Variants in ME3 observed in about 807,000 individuals in gnomAD.
ME3 encodes the protein malic enzyme 3.
In ME3, 48 loss-of-function variants were observed where a neutral mutation model predicts 68.9. That is an observed-to-expected ratio of 0.70 (90% CI 0.55 to 0.89). The LOEUF (loss-of-function observed/expected upper bound fraction) is 0.89. ME3 is among the 40% of genes least tolerant of loss of function. The pLI is 0.00. For missense variants in ME3, 675 were observed against 797.4 expected, an observed-to-expected ratio of 0.85 and a Z score of 1.85; for synonymous variants, 320 against 318.8, an observed-to-expected ratio of 1.00 and a Z score of -0.04.
At chr11:86,435,464 G>A in the ME3 span, 1 of 152,230 alleles carries the variant, frequency 6.6e-6, no homozygotes, top group East Asian at 1.9e-4. Flanking sequence ...GACATTTACT[G>A]ATTCTGGACA....
intron 8 of ME3, among the ~76,000 whole-genome samples, chr11:86,461,054 A>G (rs368892455): frequency 6.6e-6 from 1 of 152,236 alleles, no homozygotes; most frequent in East Asian, 1.9e-4. Flanking sequence ...GCAGGATGCC[A>G]GGGAGCAGTG....
chr11:86,583,032 GC>G (rs1958531875), intron 2 of ME3, among the ~76,000 whole-genome samples: 1 of 152,058 alleles, frequency 6.6e-6, no homozygotes, highest in African/African-American at 2.4e-5. Context: ...AATTTCCGAA[GC>G]ATTTTTATGG....
chr11:86,472,288 C>G (rs1265075389), intron 7 of ME3, among the ~76,000 whole-genome samples: 3 of 152,090 alleles, frequency 2.0e-5, no homozygotes, highest in Non-Finnish European at 4.4e-5. Flanking sequence ...CCTTTCATGC[C>G]CATGTAAACA....
At position 86,487,390 on chromosome 11, in the gene ME3, G is replaced by C. The variant is rs372951225; in HGVS notation, c.756C>G (p.His252Gln). ...CCAGCAAGTCATCGTATGCCTTCCC[G>C]TGCACGCGCTGGTGTTTCAGGCCGA... is the stretch of plus-strand genomic sequence containing the variant. Residue 252 changes from histidine to glutamine, a missense_variant, in exon 7 of 15, where the codon CAC (histidine) becomes CAG (glutamine). His to Gln is a conservative substitution (Grantham distance 24, BLOSUM62 0). Coordinates refer to ENST00000543262, the Ensembl canonical transcript of ME3. The C allele has an allele frequency of 3.2e-5, 52 of 1,613,954 alleles. No individual in the cohort carries two copies. The highest frequency in any genetic ancestry group is 1.0e-4 in the Admixed American group (6 of 60,006).
intron 2 of ME3, among the ~76,000 whole-genome samples, chr11:86,563,889 C>T (rs1957355895): frequency 6.6e-6 from 1 of 152,168 alleles, no homozygotes; most frequent in African/African-American, 2.4e-5. Context: ...TATGATGCTT[C>T]CAACTTTGTT....
chr11:86,650,449 T>G (rs1339688678), intron 2 of ME3, among the ~76,000 whole-genome samples: 3 of 152,142 alleles, frequency 2.0e-5, no homozygotes, highest in African/African-American at 7.2e-5. Context: ...GAAGCCAAAA[T>G]TGACAAATGG....
rs1048552552 is a variant in ME3, at chr11:86,621,326, T to C, written c.183+50436A>G. ...ATTGTTTTTATTGGCATAGAATTCA[T>C]GGGATTTAAGAATAATTAAGGTCAG... On this transcript the variant is annotated intron_variant, in intron 2 of 14. Coordinates refer to ENST00000543262, the Ensembl canonical transcript of ME3. Among the ~76,000 whole-genome samples, 2 of 152,190 alleles carry C rather than the reference T, an allele frequency of 1.3e-5. 1 individual carries two copies.
At chr11:86,643,429 A>C (rs897475373) in intron 2 of ME3, among the ~76,000 whole-genome samples, 1 of 152,132 alleles carries the variant, frequency 6.6e-6, no homozygotes, top group Non-Finnish European at 1.5e-5. Context: ...TGCTTAGAAC[A>C]TCTTTCCCCC....
At chr11:86,564,757 G>A (rs879577119) in intron 2 of ME3, among the ~76,000 whole-genome samples, 4 of 152,036 alleles carry the variant, frequency 2.6e-5, no homozygotes, top group Non-Finnish European at 5.9e-5. Context: ...AGAAGAAAAC[G>A]GGTAAATCTT....
intron 6 of ME3, among the ~76,000 whole-genome samples, chr11:86,488,680 CAG>C (rs1454852822): frequency 6.6e-6 from 1 of 152,200 alleles, no homozygotes; most frequent in Non-Finnish European, 1.5e-5. Flanking sequence ...CACCCCTACA[CAG>C]AGTCAGTGGA....
At chr11:86,544,526 C>T (rs182935618) in intron 4 of ME3, among the ~76,000 whole-genome samples, 16 of 152,338 alleles carry the variant, frequency 1.1e-4, no homozygotes, top group Admixed American at 1.0e-3. Flanking sequence ...ACTATAAACA[C>T]TTCTACGCAA....
At chr11:86,654,223 G>A (rs1450456222) in intron 2 of ME3, among the ~76,000 whole-genome samples, 8 of 152,096 alleles carry the variant, frequency 5.3e-5, no homozygotes, top group African/African-American at 1.9e-4. Flanking sequence ...AGAAAATGAG[G>A]GAATCCTCCC....
At chr11:86,581,902 C>A (rs945483905) in intron 2 of ME3, among the ~76,000 whole-genome samples, 21 of 152,178 alleles carry the variant, frequency 1.4e-4, no homozygotes, top group Non-Finnish European at 2.2e-4. Flanking sequence ...TCCTTATAAT[C>A]CCTGTTCTTT....
chr11:86,530,921 T>TCA (rs1378706107), intron 4 of ME3, among the ~76,000 whole-genome samples: 1 of 152,076 alleles, frequency 6.6e-6, no homozygotes, highest in East Asian at 1.9e-4. Flanking sequence ...GGCATACCAT[T>TCA]CAGGACATAG....
chr11:86,631,008 G>A (rs2135323263), intron 2 of ME3, among the ~76,000 whole-genome samples: 1 of 152,358 alleles, frequency 6.6e-6, no homozygotes, highest in Non-Finnish European at 1.5e-5. Flanking sequence ...ATAAATGGGG[G>A]AGGACTAGGA....
intron 7 of ME3, among the ~76,000 whole-genome samples, chr11:86,482,209 TAC>T (rs1328193402): frequency 2.0e-5 from 3 of 152,200 alleles, no homozygotes; most frequent in African/African-American, 7.2e-5. Flanking sequence ...GCTCCAGACT[TAC>T]ACAGACACTT....
At chr11:86,558,796 T>A (rs1302956221) in intron 3 of ME3, among the ~76,000 whole-genome samples, 1 of 152,184 alleles carries the variant, frequency 6.6e-6, no homozygotes, top group Admixed American at 6.5e-5. Context: ...ACATCACAAA[T>A]ACTAAGGCAT....
intron 4 of ME3, among the ~76,000 whole-genome samples, chr11:86,548,306 G>A (rs1377641216): frequency 6.6e-6 from 1 of 152,184 alleles, no homozygotes; most frequent in East Asian, 1.9e-4. Context: ...CTGTTCCAAA[G>A]TATTTCAGCA....
chr11:86,666,799 T>C (rs1946614747), intron 2 of ME3, among the ~76,000 whole-genome samples: 1 of 152,244 alleles, frequency 6.6e-6, no homozygotes, highest in African/African-American at 2.4e-5. Context: ...TATTATGTAA[T>C]CTGCCTTCCA....
Sources: gnomAD v4.1 joint callset for allele counts (sites outside exome capture counted in the v4.1 genomes callset) on GRCh38, gnomAD v4.1.1 for gene constraint, MANE v1.5 for transcripts, NCBI Gene and HGNC (gene_info 2026-07-23, HGNC 2026-07-21) for gene names.